CRIM1: variants seen among roughly 807,000 people sequenced by gnomAD.
CRIM1 encodes the protein cysteine-rich motor neuron 1 protein.
In CRIM1, 32 loss-of-function variants were observed where a neutral mutation model predicts 116.4. The ratio of observed to expected loss-of-function variants is 0.27; its 90% CI spans 0.21 to 0.37. CRIM1 has a LOEUF of 0.37. Among genes scored for constraint, CRIM1 ranks in the 10% least tolerant of loss-of-function variants. CRIM1 has a pLI of 1.00. For missense variants in CRIM1, 1,331 were observed against 1,354.8 expected, an observed-to-expected ratio of 0.98 and a Z score of 0.28; for synonymous variants, 590 against 509.2, an observed-to-expected ratio of 1.16 and a Z score of -2.13.
intron 16 of CRIM1, among the ~76,000 whole-genome samples, chr2:36,547,695 ATAG>A (rs540273345): frequency 1.3e-5 from 2 of 152,178 alleles, no homozygotes; most frequent in African/African-American, 2.4e-5. Flanking sequence ...GTGGAAAGTA[ATAG>A]TAGACAAGGT....
At chr2:36,442,557 G>C in intron 3 of CRIM1, 58 bp from the exon 4 acceptor site, 1 of 1,605,926 alleles carries the variant, frequency 6.2e-7, no homozygotes, top group Non-Finnish European at 8.5e-7. Flanking sequence ...TTCATTTAGG[G>C]ACTCCAAAAG....
chr2:36,532,999 T>C (rs1220215095), intron 13 of CRIM1, among the ~76,000 whole-genome samples: 3 of 152,202 alleles, frequency 2.0e-5, no homozygotes, highest in Non-Finnish European at 2.9e-5. Context: ...GGCACAACCC[T>C]GATAGCCACA....
chr2:36,548,463 T>C, intron 16 of CRIM1, 62 bp from the exon 17 acceptor site: 1 of 1,295,110 alleles, frequency 7.7e-7, no homozygotes, highest in Non-Finnish European at 1.1e-6. Context: ...AAATTTCTGT[T>C]CATTTGAGAT....
At chr2:36,501,617 G>A (rs1413825374) in intron 8 of CRIM1, among the ~76,000 whole-genome samples, 1 of 152,172 alleles carries the variant, frequency 6.6e-6, no homozygotes, top group Non-Finnish European at 1.5e-5. Flanking sequence ...AGCTACTCAA[G>A]AGTCTAAGGT....
At chr2:36,535,830 T>C (rs896067769) in intron 13 of CRIM1, among the ~76,000 whole-genome samples, 5 of 152,250 alleles carry the variant, frequency 3.3e-5, no homozygotes, top group African/African-American at 9.6e-5. Flanking sequence ...TTTCAAAATA[T>C]AGTATAACAA....
At chr2:36,413,817 TG>T (rs1553377909) in intron 2 of CRIM1, among the ~76,000 whole-genome samples, 2 of 152,334 alleles carry the variant, frequency 1.3e-5, no homozygotes, top group East Asian at 1.9e-4. Context: ...TACATACACT[TG>T]TAAAGTGTAT....
intron 9 of CRIM1, among the ~76,000 whole-genome samples, chr2:36,511,272 A>G (rs1476914600): frequency 1.3e-5 from 2 of 152,140 alleles, no homozygotes; most frequent in African/African-American, 4.8e-5. Flanking sequence ...ACTTAGACCT[A>G]TCATCTCTTT....
At chr2:36,383,803 A>G (rs1196508053) in intron 1 of CRIM1, among the ~76,000 whole-genome samples, 1 of 151,862 alleles carries the variant, frequency 6.6e-6, no homozygotes, top group African/African-American at 2.4e-5. Flanking sequence ...AGACCGGAGG[A>G]AAAAAAAGTG....
intron 2 of CRIM1, among the ~76,000 whole-genome samples, chr2:36,431,732 C>G (rs952923313): frequency 3.3e-5 from 5 of 152,136 alleles, no homozygotes; most frequent in Admixed American, 2.0e-4. Context: ...ATCCTTGGAA[C>G]CTGACTGCAT....
Position 36,356,502 on chromosome 2 carries a change from G to A in CRIM1, c.210G>A (p.Arg70=), listed in dbSNP as rs1432067389. Residue 70 remains arginine (R), a synonymous_variant, in exon 1 of 17, where the codon AGG becomes AGA. Transcript: ENST00000280527. This position sits in a 1 kb window ranked among gnomAD's most constrained non-coding sequence, Gnocchi z 4.3. The part of the protein sequence containing the change: ...CGCCYTCASQ[R]NESCGGTFGI... The stretch of plus-strand genomic sequence containing the variant: ...GCTGCTACACGTGCGCCAGCCAGAG[G>A]AACGAGAGCTGCGGCGGCACCTTCG... 6.2e-7 allele frequency: 1 copy of A among 1,612,914 alleles called. No individual in the cohort carries two copies. The highest frequency in any genetic ancestry group is 8.5e-7 in the Non-Finnish European group (1 of 1,179,866).
In CRIM1 at chr2:36,356,214, GCGTGTGCCCC is replaced by G; in HGVS notation, c.-78_-69del. 1.5e-6 allele frequency: 1 copy of G among 665,038 alleles called. No individual in the cohort carries two copies. Among genetic ancestry groups the G allele is most frequent in the Non-Finnish European group, 2.1e-6 (1 of 480,188 alleles). 41.2% of individuals were successfully genotyped at this position (665,038 alleles called of 1,614,324 possible). The stretch of plus-strand genomic sequence containing the variant: ...GGGCTGCTGGTGCGGCGGCGGCGGC[GCGTGTGCCCC>G]GCGCAGGGGAGGGCGCCCGCCCCGC... On this transcript the variant is annotated 5_prime_UTR_variant, in exon 1 of 17. Coordinates refer to ENST00000280527, the MANE Select transcript of CRIM1 (RefSeq NM_016441.3). This position sits in a 1 kb window ranked among gnomAD's most constrained non-coding sequence, Gnocchi z 4.3.
At chr2:36,429,043 A>G (rs941576717) in intron 2 of CRIM1, among the ~76,000 whole-genome samples, 2 of 152,174 alleles carry the variant, frequency 1.3e-5, no homozygotes, top group Non-Finnish European at 2.9e-5. Flanking sequence ...CCTCTCCCAC[A>G]GTTGGAATAC....
intron 7 of CRIM1, among the ~76,000 whole-genome samples, chr2:36,491,166 T>C (rs1680199297): frequency 6.6e-6 from 1 of 152,202 alleles, no homozygotes; most frequent in Admixed American, 6.5e-5. Flanking sequence ...AAATTTGGGA[T>C]GTCAGATCTT....
intron 1 of CRIM1, among the ~76,000 whole-genome samples, chr2:36,357,059 G>A (rs542910082): frequency 8.5e-5 from 13 of 152,330 alleles, no homozygotes; most frequent in African/African-American, 2.9e-4. Flanking sequence ...GCCGCACGCC[G>A]GCCGCGAAAG....
At chr2:36,474,054 TG>T (rs1411550593) in intron 5 of CRIM1, among the ~76,000 whole-genome samples, 3 of 152,158 alleles carry the variant, frequency 2.0e-5, no homozygotes, top group Non-Finnish European at 2.9e-5. Context: ...GGGTGTGAAA[TG>T]GTGTTCATTG....
At chr2:36,405,347 A>T (rs1030504087) in intron 2 of CRIM1, among the ~76,000 whole-genome samples, 2 of 152,194 alleles carry the variant, frequency 1.3e-5, no homozygotes, top group African/African-American at 4.8e-5. Context: ...CAGCTGTAGC[A>T]AGAAACCTGC....
intron 7 of CRIM1, among the ~76,000 whole-genome samples, chr2:36,495,249 T>C (rs1225047844): frequency 1.3e-5 from 2 of 152,146 alleles, no homozygotes; most frequent in African/African-American, 2.4e-5. Flanking sequence ...CCCTGTAACA[T>C]AGGAGCACAG....
intron 8 of CRIM1, among the ~76,000 whole-genome samples, chr2:36,500,821 A>C (rs962698313): frequency 1.3e-5 from 2 of 152,222 alleles, no homozygotes; most frequent in African/African-American, 4.8e-5. Flanking sequence ...ATATATCTCC[A>C]CAAGAAATCT....
chr2:36,364,066 C>T (rs758174866), intron 1 of CRIM1, among the ~76,000 whole-genome samples: 3 of 152,110 alleles, frequency 2.0e-5, no homozygotes, highest in East Asian at 1.9e-4. Context: ...TGTTAGTCGT[C>T]GGTACCTCCT....
Sources: gnomAD v4.1 joint callset for allele counts (sites outside exome capture counted in the v4.1 genomes callset) on GRCh38, gnomAD v4.1.1 for gene constraint, Gnocchi (gnomAD v3.1) non-coding constraint, MANE v1.5 for transcripts, NCBI Gene and HGNC (gene_info 2026-07-23, HGNC 2026-07-21) for gene names.